The following SHISA9 variants were observed in gnomAD, a reference collection of about 807,000 sequenced individuals.
SHISA9 encodes protein shisa-9.
A neutral mutation model predicts 38.0 loss-of-function variants in SHISA9; 13 were observed. That is an observed-to-expected ratio of 0.34 (90% CI 0.22 to 0.54). SHISA9 has a LOEUF of 0.54. Ranked by LOEUF, SHISA9 falls within the 20% of genes least tolerant of loss-of-function variation. SHISA9 has a pLI of 0.91. For missense variants in SHISA9, 538 were observed against 575.8 expected (o/e 0.93, Z 0.67); for synonymous variants, 275 against 242.0 (o/e 1.14, Z -1.27).
the SHISA9 span, among the ~76,000 whole-genome samples, chr16:13,525,478 A>G: frequency 6.6e-6 from 1 of 152,246 alleles, no homozygotes; most frequent in Non-Finnish European, 1.5e-5. Context: ...TATGAAATAG[A>G]GCTAAGAACA....
chr16:12,953,179 A>T (rs1430878132), intron 2 of SHISA9, among the ~76,000 whole-genome samples: 1 of 82,100 alleles, frequency 1.2e-5, no homozygotes, highest in Non-Finnish European at 2.7e-5. Flanking sequence ...AAAAAAAAGT[A>T]AAAAAAAAAA....
intron 2 of SHISA9, among the ~76,000 whole-genome samples, chr16:13,112,720 G>A (rs1366225577): frequency 6.6e-6 from 1 of 152,018 alleles, no homozygotes; most frequent in East Asian, 1.9e-4. Flanking sequence ...TCTCAGTGAT[G>A]TTTCTGTTGG....
chr16:13,031,027 C>A (rs10459770), intron 2 of SHISA9, among the ~76,000 whole-genome samples: 1 of 152,100 alleles, frequency 6.6e-6, no homozygotes, highest in African/African-American at 2.4e-5. Context: ...AAGCCTGAGC[C>A]CATATCTTCC....
At chr16:13,045,453 A>C (rs2073175886) in intron 2 of SHISA9, among the ~76,000 whole-genome samples, 3 of 152,194 alleles carry the variant, frequency 2.0e-5, no homozygotes, top group Non-Finnish European at 4.4e-5. Context: ...TTGGCTAAGT[A>C]GTACAGATAG....
At chr16:13,484,587 T>C in the SHISA9 span, among the ~76,000 whole-genome samples, 1 of 152,212 alleles carries the variant, frequency 6.6e-6, no homozygotes, top group Non-Finnish European at 1.5e-5. Flanking sequence ...AGTGTATTAG[T>C]CCGTTCTCAC....
chr16:13,321,179 T>C, the SHISA9 span, among the ~76,000 whole-genome samples: 1 of 152,218 alleles, frequency 6.6e-6, no homozygotes, highest in Non-Finnish European at 1.5e-5. Context: ...ACGATTCCCA[T>C]ATTGTTGCCA....
At chr16:13,444,982 CTATA>C in the SHISA9 span, among the ~76,000 whole-genome samples, 1,498 of 105,542 alleles carry the variant, frequency 0.014, 19 homozygotes, top group Middle Eastern at 0.042. Context: ...CCATGCCTAG[CTATA>C]TATATATATA....
the SHISA9 span, among the ~76,000 whole-genome samples, chr16:13,390,528 T>C: frequency 2.0e-5 from 3 of 152,212 alleles, no homozygotes; most frequent in Non-Finnish European, 1.5e-5. Flanking sequence ...TCTTTCTCAC[T>C]CTGCTGCTGC....
downstream of SHISA9, among the ~76,000 whole-genome samples, chr16:13,240,664 C>T (rs1265464978): frequency 6.6e-6 from 1 of 152,166 alleles, no homozygotes; most frequent in Non-Finnish European, 1.5e-5. Flanking sequence ...CTTTAGAAAT[C>T]TATTGTTGCT....
chr16:13,066,484 C>T lies in SHISA9; in HGVS notation c.692-136910C>T, dbSNP rs567624166. Reference sequence around the variant, plus strand: ...TCTTTTTGTTGTTGTTGCTGATGTTCAAATGAGTAATTCCAGTATCTGGAG... The same window carrying T: ...TCTTTTTGTTGTTGTTGCTGATGTTTAAATGAGTAATTCCAGTATCTGGAG... On this transcript the variant is annotated intron_variant, in intron 2 of 4. Coordinates refer to ENST00000558583, the MANE Select transcript of SHISA9 (RefSeq NM_001145204.3). Among the ~76,000 whole-genome samples the T allele has an allele frequency of 1.2e-3, 182 of 152,234 alleles. 6 individuals carry two copies. The highest frequency in any genetic ancestry group is 0.012 in the Admixed American group (176 of 15,290).
At chr16:13,123,402 G>A (rs1366713266) in intron 2 of SHISA9, among the ~76,000 whole-genome samples, 1 of 152,208 alleles carries the variant, frequency 6.6e-6, no homozygotes, top group Admixed American at 6.5e-5. Context: ...ATTGGGAGTG[G>A]CTGCTCGATG....
the SHISA9 span, among the ~76,000 whole-genome samples, chr16:13,451,312 G>A: frequency 1.3e-5 from 2 of 152,098 alleles, no homozygotes; most frequent in Non-Finnish European, 2.9e-5. Context: ...TCAACCACTT[G>A]CACTTGAATC....
chr16:13,316,568 C>CT, the SHISA9 span, among the ~76,000 whole-genome samples: 16 of 152,154 alleles, frequency 1.1e-4, no homozygotes, highest in Non-Finnish European at 2.9e-5. Flanking sequence ...ATGTTCCAGT[C>CT]ATACTATATC....
intron 2 of SHISA9, among the ~76,000 whole-genome samples, chr16:13,135,596 G>A (rs1187649331): frequency 6.6e-6 from 1 of 152,192 alleles, no homozygotes; most frequent in Non-Finnish European, 1.5e-5. Context: ...CAATCTTGTT[G>A]CCTCAGCCTT....
the SHISA9 span, among the ~76,000 whole-genome samples, chr16:13,248,135 G>A: frequency 1.3e-5 from 2 of 152,114 alleles, no homozygotes; most frequent in East Asian, 3.9e-4. Context: ...TTTCTCTTGG[G>A]TCTTATTAGT....
At chr16:13,489,972 G>C in the SHISA9 span, among the ~76,000 whole-genome samples, 1 of 152,086 alleles carries the variant, frequency 6.6e-6, no homozygotes, top group Non-Finnish European at 1.5e-5. Context: ...TGTAAAAAGA[G>C]GCATGCATGG....
chr16:12,981,523 G>C (rs148574103), intron 2 of SHISA9, among the ~76,000 whole-genome samples: 2 of 152,310 alleles, frequency 1.3e-5, no homozygotes, highest in African/African-American at 4.8e-5. Context: ...GTTTACCACA[G>C]GTCCTCTGCT....
At chr16:13,301,271 A>T in the SHISA9 span, among the ~76,000 whole-genome samples, 1 of 152,190 alleles carries the variant, frequency 6.6e-6, no homozygotes, top group Admixed American at 6.5e-5. Context: ...GAGACATCCT[A>T]TGGTGATGGT....
rs565478353 is a variant in SHISA9 at position 13,071,483 on chromosome 16, C to T, written c.692-131911C>T. On this transcript the variant is annotated intron_variant, in intron 2 of 4. Transcript: ENST00000558583. ...AGAGGTTATACATGGGTTAGTGATG[C>T]AGCCTCGATTTTAACCCTGGCCTTT... Among the ~76,000 whole-genome samples, 5 of 152,044 alleles carry T rather than the reference C, an allele frequency of 3.3e-5. No individual in the cohort carries two copies. In the South Asian group the frequency reaches 1.0e-3, roughly 32 times the overall value.
Sources: gnomAD v4.1 joint callset for allele counts (sites outside exome capture counted in the v4.1 genomes callset) on GRCh38, gnomAD v4.1.1 for gene constraint, MANE v1.5 for transcripts, NCBI Gene and HGNC (gene_info 2026-07-23, HGNC 2026-07-21) for gene names.